AP3S1: variants seen among roughly 807,000 people sequenced by gnomAD.
The protein encoded by AP3S1 is adaptor related protein complex 3 subunit sigma 1.
In AP3S1, 12 loss-of-function variants were observed where a neutral mutation model predicts 21.3. The observed-to-expected ratio is 0.56, with a 90% CI of 0.36 to 0.91. AP3S1 has a LOEUF of 0.91. AP3S1 is among the 40% of genes least tolerant of loss of function. The probability of loss-of-function intolerance (pLI) is 0.01; values close to 1 mark genes in which losing one functional copy is unlikely to be tolerated. For synonymous variants in AP3S1, 48 were observed against 78.4 expected (o/e 0.61, Z 2.05); for missense variants, 116 against 225.0 (o/e 0.52, Z 3.10).
chr5:115,863,230 C>T (rs1210606276), intron 1 of AP3S1, among the ~76,000 whole-genome samples: 1 of 152,054 alleles, frequency 6.6e-6, no homozygotes, highest in Non-Finnish European at 1.5e-5. Context: ...AACCTCGTCT[C>T]TACTAAAAAT....
intron 3 of AP3S1, among the ~76,000 whole-genome samples, chr5:115,883,983 G>A (rs578177788): frequency 9.2e-5 from 14 of 151,982 alleles, no homozygotes; most frequent in African/African-American, 2.7e-4. Flanking sequence ...AAATTAAGTC[G>A]CTTAAATGGA....
intron 4 of AP3S1, among the ~76,000 whole-genome samples, chr5:115,897,449 C>T (rs1750847666): frequency 6.6e-6 from 1 of 152,022 alleles, no homozygotes; most frequent in Non-Finnish European, 1.5e-5. Flanking sequence ...GCTTTCAGCC[C>T]TTTGATGAAA....
chr5:115,862,456 C>G (rs1455376510), intron 1 of AP3S1, among the ~76,000 whole-genome samples: 1 of 152,110 alleles, frequency 6.6e-6, no homozygotes, highest in Non-Finnish European at 1.5e-5. Context: ...AAAATTTATG[C>G]AAACACGTAG....
intron 1 of AP3S1, among the ~76,000 whole-genome samples, chr5:115,851,832 TTTGTTG>T (rs147357109): frequency 3.3e-5 from 5 of 151,934 alleles, no homozygotes; most frequent in South Asian, 2.1e-4. Flanking sequence ...AACTTACGTT[TTTGTTG>T]TTGTTGTTGT....
At chr5:115,889,867 A>G (rs1750133779) in intron 3 of AP3S1, among the ~76,000 whole-genome samples, 1 of 152,194 alleles carries the variant, frequency 6.6e-6, no homozygotes, top group Non-Finnish European at 1.5e-5. Context: ...AACAGGCATT[A>G]TGAAAATAGA....
chr5:115,875,757 A>G (rs1382963573), intron 3 of AP3S1, among the ~76,000 whole-genome samples: 2 of 152,306 alleles, frequency 1.3e-5, no homozygotes, highest in South Asian at 4.1e-4. Flanking sequence ...CAGGTTATTT[A>G]AAACTTTCTG....
chr5:115,845,620 G>A lies in AP3S1; in HGVS notation c.69+3514G>A, dbSNP rs1271359494. Among the ~76,000 whole-genome samples, 4 of 152,066 alleles carry A rather than the reference G, an allele frequency of 2.6e-5. No homozygotes were observed. In the East Asian group the frequency reaches 5.8e-4, roughly 22 times the overall value. On this transcript the variant is annotated intron_variant, in intron 1 of 5. Transcript: ENST00000316788. ...AGGCCAAGGCAGGCGGATCACCTGA[G>A]GTCAAGAGTTCAAGACCAGTGTGGC...
At chr5:115,888,750 T>G (rs1750015220) in intron 3 of AP3S1, among the ~76,000 whole-genome samples, 1 of 152,140 alleles carries the variant, frequency 6.6e-6, no homozygotes, top group Non-Finnish European at 1.5e-5. Context: ...ATATCAGTAT[T>G]TATCAGCAGA....
At chr5:115,888,942 T>C (rs1561511161) in intron 3 of AP3S1, among the ~76,000 whole-genome samples, 1 of 152,172 alleles carries the variant, frequency 6.6e-6, no homozygotes, top group African/African-American at 2.4e-5. Flanking sequence ...CTCTATCTTA[T>C]AGTTCTGAGA....
rs941095109 is a variant in AP3S1 at position 115,900,700 on chromosome 5, A to G, written c.346-2185A>G. On this transcript the variant is annotated intron_variant, in intron 4 of 5. Transcript: ENST00000316788. ...TCTCCAAGGAACCCTGGCTTCCTTC[A>G]GTAGAGAATGATGTTTAGAAATGAC... 2.0e-5 allele frequency among the ~76,000 whole-genome samples: 3 copies of G among 152,196 alleles called. No individual in the cohort carries two copies. In the East Asian group the frequency reaches 5.8e-4, roughly 29 times the overall value.
At chr5:115,909,602 C>T (rs1444077869) in intron 5 of AP3S1, among the ~76,000 whole-genome samples, 1 of 152,128 alleles carries the variant, frequency 6.6e-6, no homozygotes, top group East Asian at 1.9e-4. Flanking sequence ...TGCAGTTTTA[C>T]CTGCCATGGT....
chr5:115,906,644 C>A (rs1005859264), intron 5 of AP3S1, among the ~76,000 whole-genome samples: 2 of 151,728 alleles, frequency 1.3e-5, no homozygotes, highest in Non-Finnish European at 2.9e-5. Context: ...AAAAGGACTC[C>A]CTGGGGGTGG....
chr5:115,851,844 G>T (rs1762460089), intron 1 of AP3S1, among the ~76,000 whole-genome samples: 1 of 152,006 alleles, frequency 6.6e-6, no homozygotes, highest in Non-Finnish European at 1.5e-5. Flanking sequence ...TGTTGTTGTT[G>T]TTGTTGTTGT....
chr5:115,884,987 A>G (rs146643197), intron 3 of AP3S1, among the ~76,000 whole-genome samples: 61 of 152,330 alleles, frequency 4.0e-4, no homozygotes, highest in African/African-American at 1.4e-3. Flanking sequence ...TCATAGCCAT[A>G]TAACTTAATA....
chr5:115,908,134 G>T (rs575788167), intron 5 of AP3S1, among the ~76,000 whole-genome samples: 1 of 152,086 alleles, frequency 6.6e-6, no homozygotes, highest in Non-Finnish European at 1.5e-5. Flanking sequence ...TTTTGAGATT[G>T]TGGGCTATGT....
chr5:115,912,394 A>G (rs542396314), intron 5 of AP3S1, among the ~76,000 whole-genome samples: 131 of 152,146 alleles, frequency 8.6e-4, no homozygotes, highest in Middle Eastern at 3.4e-3. Context: ...TAATTGGTAT[A>G]TAAATTAAAC....
chr5:115,865,894 G>A (rs959700828), intron 1 of AP3S1, among the ~76,000 whole-genome samples: 2 of 152,184 alleles, frequency 1.3e-5, no homozygotes, highest in African/African-American at 4.8e-5. Flanking sequence ...TGCCTCCTGG[G>A]TTCAAGCGAT....
intron 3 of AP3S1, among the ~76,000 whole-genome samples, chr5:115,893,316 A>G (rs1425053572): frequency 6.6e-6 from 1 of 152,214 alleles, no homozygotes; most frequent in Admixed American, 6.5e-5. Context: ...TTCCATTTCA[A>G]GATAAGTGGA....
At chr5:115,889,065 C>T (rs1750046094) in intron 3 of AP3S1, among the ~76,000 whole-genome samples, 1 of 152,092 alleles carries the variant, frequency 6.6e-6, no homozygotes, top group South Asian at 2.1e-4. Context: ...CCTCTATAGG[C>T]AACCCATGTT....
Sources: gnomAD v4.1 joint callset for allele counts (sites outside exome capture counted in the v4.1 genomes callset) on GRCh38, gnomAD v4.1.1 for gene constraint, MANE v1.5 for transcripts, NCBI Gene and HGNC (gene_info 2026-07-23, HGNC 2026-07-21) for gene names.